CSMD2: variants seen among roughly 807,000 people sequenced by gnomAD.
The protein encoded by CSMD2 is CUB and Sushi multiple domains 2.
CSMD2 carries 130 observed loss-of-function variants against 398.5 expected under a neutral mutation model. The ratio of observed to expected loss-of-function variants is 0.33; its 90% CI spans 0.28 to 0.38. The LOEUF is 0.38. CSMD2 is among the 10% of genes least tolerant of loss of function. The probability of loss-of-function intolerance (pLI) is 1.00; values close to 1 mark genes in which losing one functional copy is unlikely to be tolerated. For synonymous variants in CSMD2, 1,828 were observed against 1,908.5 expected (o/e 0.96, Z 1.10); for missense variants, 3,829 against 4,764.9 (o/e 0.80, Z 5.78).
intron 3 of CSMD2, among the ~76,000 whole-genome samples, chr1:33,986,295 C>T (rs940682740): frequency 6.6e-6 from 1 of 152,220 alleles, no homozygotes; most frequent in African/African-American, 2.4e-5. Context: ...TGTACCTCTC[C>T]AGCGCTGCTG....
chr1:33,873,559 G>A (rs1640625303), intron 5 of CSMD2: 1 of 152,226 alleles, frequency 6.6e-6, no homozygotes, highest in Admixed American at 6.5e-5. Flanking sequence ...TGGGTTGAAA[G>A]CTTCCCTTTG....
chr1:33,599,047 GCCTCCCAAGGCCCCACCTCCT>G (rs1318375185), intron 44 of CSMD2: 1 of 152,178 alleles, frequency 6.6e-6, no homozygotes, highest in Non-Finnish European at 1.5e-5. Flanking sequence ...TGACCTAATT[GCCTCCCAAGGCCCCACCTCCT>G]AATACCATCA....
In CSMD2 at chr1:33,583,598, A is replaced by T. The variant is rs1638875004; in HGVS notation, c.7240+44T>A. 6 of 1,582,350 alleles carry T rather than the reference A, an allele frequency of 3.8e-6. No individual in the cohort carries two copies. The Admixed American group carries it at 1.0e-4, about 27-fold the overall frequency. ...ACTCCTCGGGTTCTGGAGCAAGTCC[A>T]TGTCTTCTGCAGCAGAGAACTGTGA... On this transcript the variant is annotated intron_variant, in intron 47 of 70. Coordinates refer to ENST00000373381, the MANE Select transcript of CSMD2 (RefSeq NM_001281956.2).
rs1244858910 is a variant in CSMD2 at position 33,624,567 on chromosome 1, G to A, written c.5577C>T (p.Ser1859=). 6.2e-7 allele frequency: 1 copy of A among 1,614,026 alleles called. No homozygotes were observed. The highest frequency in any genetic ancestry group is 1.7e-5 in the Admixed American group (1 of 60,024). ...SPGFPEPYLN[S]LNCVWKIVVP... ...CCACGATCTTCCACACACAGTTGAG[G>A]CTGTTGAGGTACGGCTCTGGGAAGC... is the stretch of plus-strand genomic sequence containing the variant. Residue 1859 remains serine, a synonymous_variant, in exon 35 of 71, where the codon AGC becomes AGT. Transcript: ENST00000373381. This position sits in a 1 kb window ranked among gnomAD's most constrained non-coding sequence, Gnocchi z 4.7.
chr1:33,749,166 C>T (rs1460250085), intron 13 of CSMD2, among the ~76,000 whole-genome samples: 4 of 135,398 alleles, frequency 3.0e-5, no homozygotes, highest in South Asian at 2.4e-4. Context: ...GGCCTGATCT[C>T]GGCTCACTGC....
intron 4 of CSMD2, among the ~76,000 whole-genome samples, chr1:33,931,149 G>A (rs920614010): frequency 6.6e-6 from 1 of 152,186 alleles, no homozygotes; most frequent in Non-Finnish European, 1.5e-5. Flanking sequence ...CCAGACAGCC[G>A]TTCATTCAGC....
intron 33 of CSMD2, 35 bp from the exon 34 acceptor site, chr1:33,625,289 C>T: frequency 6.3e-7 from 1 of 1,580,094 alleles, no homozygotes; most frequent in Non-Finnish European, 8.6e-7. Context: ...GGAGGCCTCA[C>T]CCCTCAGAAA....
At chr1:33,865,956 G>T (rs1472386243) in intron 5 of CSMD2, among the ~76,000 whole-genome samples, 4 of 152,142 alleles carry the variant, frequency 2.6e-5, no homozygotes, top group African/African-American at 9.7e-5. Context: ...TGGTTCTTCT[G>T]ACTTCTTGAC....
chr1:34,055,257 ACTT>A (rs1430497999), intron 2 of CSMD2, among the ~76,000 whole-genome samples: 1 of 152,224 alleles, frequency 6.6e-6, no homozygotes, highest in Non-Finnish European at 1.5e-5. Flanking sequence ...AACACAGAAT[ACTT>A]CTGTAACCAA....
chr1:33,675,086 G>A (rs899970210), intron 25 of CSMD2, among the ~76,000 whole-genome samples: 3 of 152,160 alleles, frequency 2.0e-5, no homozygotes, highest in African/African-American at 7.2e-5. Flanking sequence ...AAAGCTAGCA[G>A]AAGGCAAGAA....
At chr1:33,745,651 G>A (rs1318418871) in intron 13 of CSMD2, among the ~76,000 whole-genome samples, 1 of 152,174 alleles carries the variant, frequency 6.6e-6, no homozygotes, top group African/African-American at 2.4e-5. Context: ...GTCTGCAGCT[G>A]TAAAAGCCCT....
At chr1:33,976,052 A>T (rs1432682640) in intron 3 of CSMD2, among the ~76,000 whole-genome samples, 1 of 152,224 alleles carries the variant, frequency 6.6e-6, no homozygotes, top group African/African-American at 2.4e-5. Context: ...TATTCTCAAC[A>T]GCAACTTGCT....
At chr1:34,045,025 T>C (rs1652321245) in intron 2 of CSMD2, among the ~76,000 whole-genome samples, 1 of 136,116 alleles carries the variant, frequency 7.3e-6, no homozygotes, top group African/African-American at 2.8e-5. Context: ...ACATTAGTCA[T>C]AATCACACAC....
At chr1:33,781,370 C>T (rs1266663519) in intron 12 of CSMD2, among the ~76,000 whole-genome samples, 1 of 152,240 alleles carries the variant, frequency 6.6e-6, no homozygotes, top group Non-Finnish European at 1.5e-5. Flanking sequence ...TGTCTTCTAG[C>T]ACTTGTTCTA....
At chr1:33,554,185 C>CTTTTTTTTTTTTTTT in intron 55 of CSMD2, among the ~76,000 whole-genome samples, 1 of 74,384 alleles carries the variant, frequency 1.3e-5, no homozygotes, top group Non-Finnish European at 2.4e-5. Context: ...AAAAAACAGC[C>CTTTTTTTTTTTTTTT]TTTTTTTTTT....
intron 9 of CSMD2, 54 bp downstream of exon 9, chr1:33,819,659 C>A: frequency 6.4e-7 from 1 of 1,567,572 alleles, no homozygotes; most frequent in South Asian, 1.2e-5. Context: ...GGGCTTCAGC[C>A]TCCAGGCTCA....
At chr1:33,727,175 G>A (rs1022686541) in intron 15 of CSMD2, among the ~76,000 whole-genome samples, 1 of 152,122 alleles carries the variant, frequency 6.6e-6, no homozygotes, top group Non-Finnish European at 1.5e-5. Flanking sequence ...TACACAACTG[G>A]GTATCCCCAG....
chr1:34,027,393 G>C (rs1349216439), intron 3 of CSMD2, among the ~76,000 whole-genome samples: 2 of 152,196 alleles, frequency 1.3e-5, no homozygotes, highest in Non-Finnish European at 2.9e-5. Flanking sequence ...GGAGGAATGG[G>C]CTCAGGCCTG....
chr1:34,012,852 C>G (rs989189086), intron 3 of CSMD2, among the ~76,000 whole-genome samples: 2 of 152,190 alleles, frequency 1.3e-5, no homozygotes, highest in African/African-American at 4.8e-5. Flanking sequence ...GAAATATAAC[C>G]AAGTCCCATA....
Sources: gnomAD v4.1 joint callset for allele counts (sites outside exome capture counted in the v4.1 genomes callset) on GRCh38, gnomAD v4.1.1 for gene constraint, Gnocchi (gnomAD v3.1) non-coding constraint, MANE v1.5 for transcripts, NCBI Gene and HGNC (gene_info 2026-07-23, HGNC 2026-07-21) for gene names.